The following PTPRD variants were observed in gnomAD, a reference collection of about 807,000 sequenced individuals.
PTPRD encodes protein tyrosine phosphatase receptor type D, also known as receptor-type tyrosine-protein phosphatase delta.
In PTPRD, 34 loss-of-function variants were observed where a neutral mutation model predicts 214.5. That is an observed-to-expected ratio of 0.16 (90% CI 0.12 to 0.21). The LOEUF (loss-of-function observed/expected upper bound fraction) is 0.21. Ranked by LOEUF, PTPRD falls within the 10% of genes least tolerant of loss-of-function variation. The pLI is 1.00. For missense variants in PTPRD, 2,545 were observed against 2,398.7 expected (o/e 1.06, Z -1.27); for synonymous variants, 1,128 against 845.7 (o/e 1.33, Z -5.79).
intron 18 of PTPRD, among the ~76,000 whole-genome samples, chr9:8,524,545 G>C (rs1250004418): frequency 1.3e-5 from 2 of 151,964 alleles, no homozygotes; most frequent in Non-Finnish European, 2.9e-5. Context: ...CTGATTAGTA[G>C]CACACCAAGC....
At chr9:10,284,661 G>T (rs1440295507) in intron 3 of PTPRD, among the ~76,000 whole-genome samples, 1 of 152,180 alleles carries the variant, frequency 6.6e-6, no homozygotes, top group Non-Finnish European at 1.5e-5. Flanking sequence ...TCAACCAAGT[G>T]TTGGCTAGGC....
At chr9:9,504,662 C>T (rs1158582378) in intron 8 of PTPRD, among the ~76,000 whole-genome samples, 2 of 151,298 alleles carry the variant, frequency 1.3e-5, no homozygotes, top group East Asian at 3.9e-4. Flanking sequence ...AGTAATTAGA[C>T]AAGAAAAAGA....
intron 3 of PTPRD, among the ~76,000 whole-genome samples, chr9:10,160,670 C>T (rs2099122268): frequency 6.6e-6 from 1 of 151,778 alleles, no homozygotes; most frequent in Non-Finnish European, 1.5e-5. Context: ...TAGAACAAAA[C>T]AAGGATACTC....
rs1168747672 is a variant in PTPRD at position 9,312,376 on chromosome 9, G to C, written c.-203+85073C>G. Among the ~76,000 whole-genome samples, 4 of 152,144 alleles carry C rather than the reference G, an allele frequency of 2.6e-5. No homozygotes were observed. In the East Asian group the frequency reaches 7.7e-4, roughly 29 times the overall value. On this transcript the variant is annotated intron_variant, in intron 9 of 45. Coordinates refer to ENST00000381196, the MANE Select transcript of PTPRD (RefSeq NM_002839.4). ...TTAAAAGTTGTTTAGTCAACACAGAGACTGACTTCTACATTGTACAGCATG... is the reference window on the plus strand; with the variant it reads ...TTAAAAGTTGTTTAGTCAACACAGACACTGACTTCTACATTGTACAGCATG...
chr9:9,967,355 C>T (rs918596099), intron 4 of PTPRD, among the ~76,000 whole-genome samples: 3 of 152,056 alleles, frequency 2.0e-5, no homozygotes, highest in African/African-American at 7.2e-5. Context: ...GAATTTATGC[C>T]AAGTTGTCAT....
In PTPRD at chr9:8,719,430, T is replaced by C. The variant is rs149598079; in HGVS notation, c.64+14350A>G. Among the ~76,000 whole-genome samples, 3 of 152,352 alleles carry C rather than the reference T, an allele frequency of 2.0e-5. No individual in the cohort carries two copies. The East Asian group carries it at 5.8e-4, about 29-fold the overall frequency. On this transcript the variant is annotated intron_variant, in intron 12 of 45. Transcript: ENST00000381196. ...AACAAAGCAAAGTGATAAAGGAGGCTAATCAAACTAATCTCTTCCCTTTAA... is the reference window on the plus strand; with the variant it reads ...AACAAAGCAAAGTGATAAAGGAGGCCAATCAAACTAATCTCTTCCCTTTAA...
In PTPRD at chr9:8,628,195, C is replaced by T. The variant is rs116664544; in HGVS notation, c.352+5122G>A. Among the ~76,000 whole-genome samples, 525 of 151,802 alleles carry T rather than the reference C, an allele frequency of 3.5e-3. 6 individuals carry two copies. The highest frequency in any genetic ancestry group is 0.012 in the African/African-American group (499 of 41,440). On this transcript the variant is annotated intron_variant, in intron 14 of 45. Coordinates refer to ENST00000381196, the MANE Select transcript of PTPRD (RefSeq NM_002839.4). ...AAACGGCAAAGTACCATTTTCACAG[C>T]GGGGACAACTGTGTTCATCTTCAAA...
chr9:9,222,044 T>C (rs1038849497), intron 9 of PTPRD, among the ~76,000 whole-genome samples: 5 of 152,090 alleles, frequency 3.3e-5, no homozygotes, highest in African/African-American at 1.2e-4. Context: ...ATTTTGTCCA[T>C]TGTGTTGGAA....
intron 3 of PTPRD, among the ~76,000 whole-genome samples, chr9:10,206,826 T>C (rs73641885): frequency 0.043 from 6,569 of 152,110 alleles, 170 homozygotes; most frequent in Middle Eastern, 0.09. Context: ...TTTGAAAAAG[T>C]AACAGGAATA....
intron 9 of PTPRD, among the ~76,000 whole-genome samples, chr9:9,331,281 C>G (rs2042214193): frequency 6.6e-6 from 1 of 152,096 alleles, no homozygotes; most frequent in Non-Finnish European, 1.5e-5. Flanking sequence ...CCTGATGTAC[C>G]TTGTCTTTTT....
intron 5 of PTPRD, among the ~76,000 whole-genome samples, chr9:9,880,204 A>G (rs1486004019): frequency 6.6e-6 from 1 of 152,112 alleles, no homozygotes; most frequent in Non-Finnish European, 1.5e-5. Flanking sequence ...CATGTAAGAC[A>G]TGCCTGCTTC....
intron 8 of PTPRD, among the ~76,000 whole-genome samples, chr9:9,423,523 A>G (rs1412727): frequency 0.81 from 122,495 of 152,042 alleles, 49,480 homozygotes; most frequent in Non-Finnish European, 0.81. Flanking sequence ...ATTAAATGCA[A>G]TATCACCAGG....
chr9:9,391,398 G>A (rs1230604181), intron 9 of PTPRD, among the ~76,000 whole-genome samples: 1 of 152,098 alleles, frequency 6.6e-6, no homozygotes, highest in Admixed American at 6.6e-5. Flanking sequence ...TGACTAATGG[G>A]TAAAACATGA....
At chr9:9,740,415 T>G (rs2098382907) in intron 6 of PTPRD, among the ~76,000 whole-genome samples, 1 of 151,824 alleles carries the variant, frequency 6.6e-6, no homozygotes, top group East Asian at 1.9e-4. Context: ...TGGAGTGCAG[T>G]GGCGTAATCT....
intron 12 of PTPRD, among the ~76,000 whole-genome samples, chr9:8,718,217 CT>C (rs2098456689): frequency 6.6e-6 from 1 of 152,168 alleles, no homozygotes; most frequent in Admixed American, 6.5e-5. Context: ...AAAAAGCAAT[CT>C]AGTGGCCTGA....
chr9:9,658,194 A>G (rs1180627983), intron 7 of PTPRD, among the ~76,000 whole-genome samples: 1 of 152,132 alleles, frequency 6.6e-6, no homozygotes, highest in Non-Finnish European at 1.5e-5. Context: ...CAAAAGTCAG[A>G]TGTACCAGGA....
intron 9 of PTPRD, among the ~76,000 whole-genome samples, chr9:9,308,703 T>C (rs956782756): frequency 2.6e-5 from 4 of 152,188 alleles, no homozygotes; most frequent in African/African-American, 9.6e-5. Context: ...AATACATATA[T>C]AATTAGGCAC....
At chr9:9,712,369 G>C (rs573785032) in intron 7 of PTPRD, among the ~76,000 whole-genome samples, 2 of 152,012 alleles carry the variant, frequency 1.3e-5, no homozygotes, top group South Asian at 4.2e-4. Context: ...AATCTGAATA[G>C]GAACATAAAC....
intron 2 of PTPRD, among the ~76,000 whole-genome samples, chr9:10,588,336 A>G (rs2074465493): frequency 6.6e-6 from 1 of 151,846 alleles, no homozygotes; most frequent in Non-Finnish European, 1.5e-5. Flanking sequence ...GCAAGTACAA[A>G]TTTTCCACTT....
Sources: allele counts gnomAD v4.1 joint callset (sites outside exome capture counted in the v4.1 genomes callset), GRCh38; gene constraint gnomAD v4.1.1; transcripts MANE v1.5; gene names NCBI Gene and HGNC (gene_info 2026-07-23, HGNC 2026-07-21).